Variants in ATF7IP2 observed in about 807,000 individuals in gnomAD.
The protein encoded by ATF7IP2 is activating transcription factor 7-interacting protein 2.
In ATF7IP2, 42 loss-of-function variants were observed where a neutral mutation model predicts 64.2. That is an observed-to-expected ratio of 0.65 (90% confidence interval 0.51 to 0.85). ATF7IP2 has a LOEUF of 0.85. ATF7IP2 is among the 40% of genes least tolerant of loss of function. The pLI, the probability that ATF7IP2 is intolerant of heterozygous loss-of-function variation, is 0.00. For synonymous variants in ATF7IP2, 308 were observed against 272.8 expected (o/e 1.13, Z -1.27); for missense variants, 933 against 784.2 (o/e 1.19, Z -2.27).
chr16:10,451,092 A>G (rs1433034737), intron 8 of ATF7IP2, among the ~76,000 whole-genome samples: 8 of 152,210 alleles, frequency 5.3e-5, no homozygotes, highest in Admixed American at 5.2e-4. Flanking sequence ...TTGGCTGGAT[A>G]TGAAATTTTG....
intron 1 of ATF7IP2, among the ~76,000 whole-genome samples, chr16:10,410,890 A>T (rs1240303356): frequency 6.6e-6 from 1 of 152,186 alleles, no homozygotes; most frequent in African/African-American, 2.4e-5. Flanking sequence ...TGTCCTTTGT[A>T]TGCCAATTTT....
intron 6 of ATF7IP2, 97 bp from the exon 7 acceptor site, chr16:10,438,004 A>G: frequency 1.1e-6 from 1 of 902,720 alleles, no homozygotes; most frequent in Non-Finnish European, 1.6e-6. Context: ...AATTGGTTAC[A>G]GTAAATCTGG....
chr16:10,433,449 A>G, intron 5 of ATF7IP2, 76 bp from the exon 6 acceptor site: 1 of 1,377,326 alleles, frequency 7.3e-7, no homozygotes, highest in Non-Finnish European at 1.0e-6. Flanking sequence ...TGCTGGGATT[A>G]CAGACATGAG....
intron 1 of ATF7IP2, among the ~76,000 whole-genome samples, chr16:10,391,872 G>C (rs2047332573): frequency 6.6e-6 from 1 of 151,540 alleles, no homozygotes; most frequent in South Asian, 2.1e-4. Flanking sequence ...TTTCAGCCTG[G>C]GTGACAGAGT....
intron 5 of ATF7IP2, 71 bp downstream of exon 5, chr16:10,431,526 C>G (rs1338339472): frequency 4.9e-6 from 5 of 1,011,860 alleles, no homozygotes; most frequent in Non-Finnish European, 7.3e-6. Context: ...TTTAAAGTCT[C>G]AAATATACAA....
chr16:10,472,071 T>G, intron 9 of ATF7IP2, 39 bp from the exon 10 acceptor site: 1 of 1,108,184 alleles, frequency 9.0e-7, no homozygotes, highest in Non-Finnish European at 1.3e-6. Flanking sequence ...TGATAATGCA[T>G]GTTTAGTTTT....
chr16:10,430,486 TTA>T, intron 4 of ATF7IP2, 123 bp from the exon 5 acceptor site: 1 of 593,912 alleles, frequency 1.7e-6, no homozygotes, highest in Non-Finnish European at 2.9e-6. Flanking sequence ...AGTAAGGTGA[TTA>T]TCTAAATATG....
chr16:10,444,155 A>C (rs1348507767), intron 8 of ATF7IP2, among the ~76,000 whole-genome samples: 1 of 152,222 alleles, frequency 6.6e-6, no homozygotes, highest in Non-Finnish European at 1.5e-5. Flanking sequence ...TTGTTTGAGG[A>C]AACGATGATC....
intron 8 of ATF7IP2, among the ~76,000 whole-genome samples, chr16:10,455,640 GCTTTATAAAAAGC>G (rs1264172726): frequency 6.6e-6 from 1 of 152,148 alleles, no homozygotes; most frequent in Non-Finnish European, 1.5e-5. Flanking sequence ...TGAGGAGCAT[GCTTTATAAAAAGC>G]CTAGATTACC....
At chr16:10,461,417 A>AT (rs1213239998) in intron 9 of ATF7IP2, among the ~76,000 whole-genome samples, 1 of 152,122 alleles carries the variant, frequency 6.6e-6, no homozygotes, top group Non-Finnish European at 1.5e-5. Context: ...TATTAGCAGC[A>AT]TTTTTTATAA....
rs1267119045 is a variant in ATF7IP2, at chr16:10,438,275, G to C, written c.1095+40G>C. 3.2e-6 allele frequency: 5 copies of C among 1,571,684 alleles called. No individual in the cohort carries two copies. The African/African-American group carries it at 4.1e-5, about 13-fold the overall frequency. ...CATTTGAGTCTTTTTTAGGGGAGTAGGGGGTGTTGTTGCTCTGTTGCTCAG... is the reference window on the plus strand; with the variant it reads ...CATTTGAGTCTTTTTTAGGGGAGTACGGGGTGTTGTTGCTCTGTTGCTCAG... On this transcript the variant is annotated intron_variant, in intron 7 of 13. Coordinates refer to ENST00000562102, the MANE Select transcript of ATF7IP2 (RefSeq NM_001393719.1).
intron 2 of ATF7IP2, among the ~76,000 whole-genome samples, chr16:10,416,043 G>A (rs1034627929): frequency 1.3e-5 from 2 of 152,142 alleles, no homozygotes; most frequent in African/African-American, 4.8e-5. Context: ...CAGTTTGGAG[G>A]TTCCTTAAAA....
At chr16:10,434,848 A>C (rs1161263967) in intron 6 of ATF7IP2, among the ~76,000 whole-genome samples, 1 of 152,304 alleles carries the variant, frequency 6.6e-6, no homozygotes, top group African/African-American at 2.4e-5. Context: ...CCCAGACTGG[A>C]GTGCAGTGGC....
chr16:10,467,447 A>AG (rs2049618307), intron 9 of ATF7IP2, among the ~76,000 whole-genome samples: 1 of 152,204 alleles, frequency 6.6e-6, no homozygotes, highest in Non-Finnish European at 1.5e-5. Flanking sequence ...AAATTTTCTT[A>AG]CAGATTAGCA....
chr16:10,468,891 G>A (rs1398641368), intron 9 of ATF7IP2, among the ~76,000 whole-genome samples: 1 of 152,144 alleles, frequency 6.6e-6, no homozygotes, highest in Non-Finnish European at 1.5e-5. Context: ...GAAGTAACAG[G>A]TAGGGTCCAC....
intron 8 of ATF7IP2, among the ~76,000 whole-genome samples, chr16:10,452,313 G>C (rs573256967): frequency 6.6e-6 from 1 of 152,122 alleles, no homozygotes; most frequent in African/African-American, 2.4e-5. Flanking sequence ...CTGAGTGGAC[G>C]TCCTTTTTGT....
At chr16:10,450,966 C>G (rs1410658546) in intron 8 of ATF7IP2, among the ~76,000 whole-genome samples, 1 of 152,160 alleles carries the variant, frequency 6.6e-6, no homozygotes, top group African/African-American at 2.4e-5. Context: ...TTGTTCCTTT[C>G]CATGTTTAGT....
chr16:10,444,774 T>C (rs1296078452), intron 8 of ATF7IP2, among the ~76,000 whole-genome samples: 1 of 152,232 alleles, frequency 6.6e-6, no homozygotes, highest in Non-Finnish European at 1.5e-5. Context: ...TCCTAGAGTT[T>C]GAGTAAGCCC....
chr16:10,444,398 G>A (rs192051773), intron 8 of ATF7IP2, among the ~76,000 whole-genome samples: 4 of 152,068 alleles, frequency 2.6e-5, no homozygotes, highest in Non-Finnish European at 4.4e-5. Flanking sequence ...GGTCTCCCAG[G>A]TTGGTTCGAG....
Sources: allele counts gnomAD v4.1 joint callset (sites outside exome capture counted in the v4.1 genomes callset), GRCh38; gene constraint gnomAD v4.1.1; transcripts MANE v1.5; gene names NCBI Gene and HGNC (gene_info 2026-07-23, HGNC 2026-07-21).